Variants in RCHY1 observed in about 807,000 individuals in gnomAD.
RCHY1 encodes the protein ring finger and CHY zinc finger domain containing 1.
A neutral mutation model predicts 41.6 loss-of-function variants in RCHY1; 21 were observed. The ratio of observed to expected loss-of-function variants is 0.51; its 90% CI spans 0.36 to 0.73. The LOEUF (loss-of-function observed/expected upper bound fraction) is 0.73. Among genes scored for constraint, RCHY1 ranks in the 30% least tolerant of loss-of-function variants. The pLI is 0.00. For missense variants in RCHY1, 265 were observed against 325.3 expected, an observed-to-expected ratio of 0.81 and a Z score of 1.43; for synonymous variants, 79 against 102.9, an observed-to-expected ratio of 0.77 and a Z score of 1.41.
intron 4 of RCHY1, 59 bp downstream of exon 4, chr4:75,494,042 T>C: frequency 1.0e-6 from 1 of 976,084 alleles, no homozygotes; most frequent in Admixed American, 3.0e-5. Context: ...ATATTAGAAG[T>C]TAAGCTTATT....
At chr4:75,486,659 T>G (rs1722033042) in intron 8 of RCHY1, among the ~76,000 whole-genome samples, 1 of 151,588 alleles carries the variant, frequency 6.6e-6, no homozygotes, top group African/African-American at 2.4e-5. Flanking sequence ...CTATAAGGAG[T>G]GTAAAAACAA....
At chr4:75,491,308 T>C (rs984630476) in intron 7 of RCHY1, 3 of 240,554 alleles carry the variant, frequency 1.2e-5, no homozygotes, top group Non-Finnish European at 2.4e-5. Flanking sequence ...TCAGCATTTT[T>C]ACAACACTAT....
intron 8 of RCHY1, among the ~76,000 whole-genome samples, chr4:75,489,714 T>C (rs1722580687): frequency 6.6e-6 from 1 of 152,216 alleles, no homozygotes; most frequent in Non-Finnish European, 1.5e-5. Context: ...CTTTTATGCA[T>C]TATGCCAAAG....
At chr4:75,488,678 T>C (rs1002668494) in intron 8 of RCHY1, among the ~76,000 whole-genome samples, 1 of 152,208 alleles carries the variant, frequency 6.6e-6, no homozygotes, top group African/African-American at 2.4e-5. Context: ...GCACCTAACC[T>C]GGTATTTAAG....
chr4:75,514,553 A>G (rs536874401), upstream of RCHY1: 5 of 338,186 alleles, frequency 1.5e-5, no homozygotes, highest in Admixed American at 4.4e-5. Context: ...TTTTCCCCCA[A>G]TCGCTACCCG....
rs760671203 is a variant in RCHY1, at chr4:75,514,210, C to T, written c.77G>A (p.Gly26Glu). The T allele has an allele frequency of 1.2e-6, 2 of 1,612,336 alleles. No individual in the cohort carries two copies. Among genetic ancestry groups the T allele is most frequent in the Non-Finnish European group, 1.7e-6 (2 of 1,178,478 alleles). Residue 26 changes from glycine to glutamate, a missense_variant, in exon 1 of 9, where the codon GGA becomes GAA. By Grantham distance (98) the Gly-to-Glu change is moderately conservative (BLOSUM62 -2). Coordinates refer to ENST00000324439, the MANE Select transcript of RCHY1 (RefSeq NM_015436.4). ...GQRGCEHYDR[G>E]CLLKAPCCDK... ...AGAAGGCGTCACCTTTAGGAGACAT[C>T]CTCTGTCATAGTGCTCGCAGCCCCG...
intron 3 of RCHY1, among the ~76,000 whole-genome samples, chr4:75,501,626 A>G (rs1578228796): frequency 6.6e-6 from 1 of 152,256 alleles, no homozygotes; most frequent in East Asian, 1.9e-4. Context: ...ACAATACCCA[A>G]TAACATAAAA....
chr4:75,484,861 T>A (rs1721849821), intron 8 of RCHY1, among the ~76,000 whole-genome samples: 1 of 151,898 alleles, frequency 6.6e-6, no homozygotes, highest in South Asian at 2.1e-4. Flanking sequence ...CCATAAGCTG[T>A]TAAAAACCAA....
chr4:75,514,330 T>TA lies in RCHY1; in HGVS notation c.-45dup. The TA allele has an allele frequency of 6.3e-7, 1 of 1,586,386 alleles. No homozygotes were observed. Among genetic ancestry groups the TA allele is most frequent in the South Asian group, 1.1e-5 (1 of 89,842 alleles). Reference sequence around the variant, plus strand: ...CATTCCACCGATCCTTCCCCCAGGATAAAAACCACGCCCAGAGAAGCTGCG... The same window carrying TA: ...CATTCCACCGATCCTTCCCCCAGGATAAAAAACCACGCCCAGAGAAGCTGCG... On this transcript the variant is annotated 5_prime_UTR_variant, in exon 1 of 9. Coordinates refer to ENST00000324439, the MANE Select transcript of RCHY1 (RefSeq NM_015436.4).
chr4:75,502,942 G>A (rs1359922242), intron 3 of RCHY1, among the ~76,000 whole-genome samples: 8 of 151,164 alleles, frequency 5.3e-5, no homozygotes, highest in Non-Finnish European at 1.2e-4. Flanking sequence ...CTTGAACACA[G>A]TTGAGAAATC....
chr4:75,514,633 G>A (rs1214417644), upstream of RCHY1: 2 of 216,890 alleles, frequency 9.2e-6, no homozygotes, highest in Non-Finnish European at 1.9e-5. Flanking sequence ...TGGCCCCAGA[G>A]GAAAGGACGC....
intron 8 of RCHY1, among the ~76,000 whole-genome samples, chr4:75,488,639 T>A (rs999425310): frequency 3.6e-4 from 55 of 152,318 alleles, no homozygotes; most frequent in African/African-American, 1.2e-3. Context: ...TCAAATTACC[T>A]ATAATAACCC....
intron 1 of RCHY1, chr4:75,513,923 C>T (rs1029685743): frequency 3.3e-6 from 1 of 305,542 alleles, no homozygotes; most frequent in Non-Finnish European, 6.0e-6. Flanking sequence ...ACTTCGGCAG[C>T]AAAAGACGAA....
intron 3 of RCHY1, among the ~76,000 whole-genome samples, chr4:75,501,029 G>T (rs998904955): frequency 6.6e-6 from 1 of 151,828 alleles, no homozygotes; most frequent in African/African-American, 2.4e-5. Flanking sequence ...TATATTTTTA[G>T]ACAGAGTTTT....
Position 75,514,256 on chromosome 4 carries a change from T to G in RCHY1, c.31A>C (p.Ser11Arg). The part of the protein sequence containing the change: MAATAREDGA[S>R]GQERGQRGCE... ...CCCCGCTGACCTCGCTCTTGACCGCTGGCGCCATCTTCCCGGGCCGTCGCC... is the reference window on the plus strand; with the variant it reads ...CCCCGCTGACCTCGCTCTTGACCGCGGGCGCCATCTTCCCGGGCCGTCGCC... The change falls in exon 1 of 9, where the codon AGC (serine) becomes CGC (arginine). Residue 11 changes from serine to arginine, a missense_variant. Transcript: ENST00000324439. The G allele has an allele frequency of 1.2e-6, 2 of 1,612,896 alleles. No individual in the cohort carries two copies. The highest frequency in any genetic ancestry group is 1.7e-6 in the Non-Finnish European group (2 of 1,178,960).
At chr4:75,486,108 G>C (rs1173836048) in intron 8 of RCHY1, among the ~76,000 whole-genome samples, 1 of 152,050 alleles carries the variant, frequency 6.6e-6, no homozygotes, top group Non-Finnish European at 1.5e-5. Context: ...TATTCTAGGA[G>C]GGGTTCCATC....
chr4:75,479,779 C>T lies in RCHY1; in HGVS notation c.*2759G>A, dbSNP rs1375355878. The T allele has an allele frequency of 6.6e-6, 1 of 151,934 alleles. No homozygotes were observed. Among genetic ancestry groups the T allele is most frequent in the Non-Finnish European group, 1.5e-5 (1 of 67,976 alleles). 9.4% of individuals were successfully genotyped at this position (151,934 alleles called of 1,614,324 possible). A position where few individuals can be genotyped will look rare whatever the true frequency, so the allele number is the denominator to read the frequency against. On this transcript the variant is annotated 3_prime_UTR_variant, in exon 9 of 9. Transcript: ENST00000324439. ...AGATACAAATTCTGCGGCAGGGCAA[C>T]CTAACTTATTTCAGGGACAGATAAT...
intron 1 of RCHY1, 37 bp downstream of exon 1, chr4:75,514,160 G>A (rs1725281724): frequency 1.3e-6 from 2 of 1,585,468 alleles, no homozygotes; most frequent in Non-Finnish European, 1.7e-6. Context: ...CCAACCTGAC[G>A]GAAGCTTGTC....
At chr4:75,504,870 G>A (rs1724143845) in intron 3 of RCHY1, among the ~76,000 whole-genome samples, 1 of 152,130 alleles carries the variant, frequency 6.6e-6, no homozygotes. Flanking sequence ...ATTTTTTAAA[G>A]TAAAAAGAAT....
Sources: gnomAD v4.1 joint callset for allele counts (sites outside exome capture counted in the v4.1 genomes callset) on GRCh38, gnomAD v4.1.1 for gene constraint, MANE v1.5 for transcripts, NCBI Gene and HGNC (gene_info 2026-07-23, HGNC 2026-07-21) for gene names.